Variants in CEP112 observed in about 807,000 individuals in gnomAD.
CEP112 encodes centrosomal protein 112, also known as centrosomal protein of 112 kDa.
A neutral mutation model predicts 153.0 loss-of-function variants in CEP112; 127 were observed. That is an observed-to-expected ratio of 0.83 (90% CI 0.72 to 0.96). The LOEUF (loss-of-function observed/expected upper bound fraction) is 0.96. Ranked by LOEUF, CEP112 falls within the 40% of genes least tolerant of loss-of-function variation. The pLI, the probability that CEP112 is intolerant of heterozygous loss-of-function variation, is 0.00. For synonymous variants in CEP112, 358 were observed against 374.4 expected (o/e 0.96, Z 0.51); for missense variants, 1,089 against 1,101.2 (o/e 0.99, Z 0.16).
At chr17:66,168,442 T>C (rs1225839292) in intron 4 of CEP112, among the ~76,000 whole-genome samples, 2 of 139,608 alleles carry the variant, frequency 1.4e-5, no homozygotes, top group East Asian at 2.0e-4. Flanking sequence ...TGTATATATA[T>C]GTGTGTGTAT....
intron 19 of CEP112, among the ~76,000 whole-genome samples, chr17:65,916,538 TC>T (rs1378858515): frequency 6.0e-4 from 90 of 150,888 alleles, no homozygotes; most frequent in African/African-American, 1.8e-3. Flanking sequence ...GAAAACAGCT[TC>T]TTTTTTTTTT....
rs2060977455 is a variant in CEP112 at position 65,927,692 on chromosome 17, A to AT, written c.1873-4dup. 1 of 1,516,266 alleles carries AT rather than the reference A, an allele frequency of 6.6e-7. No homozygotes were observed. Among genetic ancestry groups the AT allele is most frequent in the African/African-American group, 1.4e-5 (1 of 70,932 alleles). The allele number at this position is 1,516,266 out of a possible 1,614,324, so 93.9% of individuals were successfully genotyped here. A position where few individuals can be genotyped will look rare whatever the true frequency, so the allele number is the denominator to read the frequency against. On this transcript the variant is annotated splice_region_variant and splice_polypyrimidine_tract_variant and intron_variant, in intron 18 of 26. Transcript: ENST00000535342. ...AGATCTGCCTCCACTTTTTCCATCT[A>AT]TAAAATTTAAAAATCAAATATTAAT...
At chr17:65,970,536 C>A (rs367673356) in intron 17 of CEP112, among the ~76,000 whole-genome samples, 3 of 151,742 alleles carry the variant, frequency 2.0e-5, no homozygotes, top group African/African-American at 7.3e-5. Flanking sequence ...ATGTATAACA[C>A]ATGAATATTA....
intron 6 of CEP112, among the ~76,000 whole-genome samples, chr17:66,100,409 G>A (rs1248564136): frequency 7.8e-3 from 916 of 118,088 alleles, no homozygotes; most frequent in Non-Finnish European, 8.5e-3. Flanking sequence ...TCAAAAAACA[G>A]AAAAAAAAAA....
chr17:65,666,567 CA>C (rs1190508206), intron 24 of CEP112, among the ~76,000 whole-genome samples: 1 of 152,022 alleles, frequency 6.6e-6, no homozygotes, highest in Non-Finnish European at 1.5e-5. Flanking sequence ...TGCAAGCCAT[CA>C]AAGTAGGAAT....
Position 65,886,610 on chromosome 17 carries a change from T to C in CEP112, c.2163+15542A>G, listed in dbSNP as rs144785844. On this transcript the variant is annotated intron_variant, in intron 20 of 26. Coordinates refer to ENST00000535342, the MANE Select transcript of CEP112 (RefSeq NM_001199165.4). ...TTGTGGGACTGGCCCAATTCGGAATTACTATATGTTGCCAGCTTTTGTTCT... is the reference window on the plus strand; with the variant it reads ...TTGTGGGACTGGCCCAATTCGGAATCACTATATGTTGCCAGCTTTTGTTCT... 3.1e-3 allele frequency among the ~76,000 whole-genome samples: 472 copies of C among 152,318 alleles called. 3 individuals carry two copies. Among genetic ancestry groups the C allele is most frequent in the Non-Finnish European group, 5.4e-3 (369 of 68,026 alleles).
chr17:65,716,527 G>GA (rs1367638171), intron 23 of CEP112, among the ~76,000 whole-genome samples: 2 of 152,148 alleles, frequency 1.3e-5, no homozygotes, highest in African/African-American at 2.4e-5. Flanking sequence ...CGGGGCAGGG[G>GA]AGGGACTACT....
chr17:66,067,901 G>C (rs1346256702), intron 9 of CEP112, among the ~76,000 whole-genome samples: 1 of 152,006 alleles, frequency 6.6e-6, no homozygotes, highest in East Asian at 1.9e-4. Context: ...CATGTCCCTG[G>C]ATCCGCCCAC....
At chr17:65,858,916 C>G (rs1272796948) in intron 20 of CEP112, among the ~76,000 whole-genome samples, 1 of 152,168 alleles carries the variant, frequency 6.6e-6, no homozygotes, top group Non-Finnish European at 1.5e-5. Context: ...CTCACCCGGA[C>G]TGTCATCAAT....
chr17:66,099,923 TTAA>T (rs566313056), intron 6 of CEP112, among the ~76,000 whole-genome samples: 120 of 152,280 alleles, frequency 7.9e-4, no homozygotes, highest in African/African-American at 2.8e-3. Context: ...ATGTCAATAC[TTAA>T]TAATATTTTT....
At chr17:66,000,732 C>T (rs1006404513) in intron 17 of CEP112, among the ~76,000 whole-genome samples, 1 of 152,128 alleles carries the variant, frequency 6.6e-6, no homozygotes, top group East Asian at 1.9e-4. Context: ...GAGGAAACAG[C>T]ATGTCTGGCT....
intron 21 of CEP112, among the ~76,000 whole-genome samples, chr17:65,794,639 G>A (rs2054795140): frequency 6.6e-6 from 1 of 152,196 alleles, no homozygotes; most frequent in African/African-American, 2.4e-5. Context: ...CATTAAACAT[G>A]TGAACTCCAT....
intron 21 of CEP112, among the ~76,000 whole-genome samples, chr17:65,835,092 A>G (rs1483215249): frequency 2.0e-5 from 3 of 152,092 alleles, no homozygotes; most frequent in African/African-American, 4.8e-5. Context: ...TAACACAGGA[A>G]CAGAAAACCA....
At chr17:65,847,095 C>T (rs377355184) in intron 21 of CEP112, among the ~76,000 whole-genome samples, 68 of 152,224 alleles carry the variant, frequency 4.5e-4, no homozygotes, top group African/African-American at 1.3e-3. Flanking sequence ...GGACAAAAAC[C>T]GAACTCATCG....
intron 24 of CEP112, among the ~76,000 whole-genome samples, chr17:65,685,484 C>T (rs1413443424): frequency 6.6e-6 from 1 of 152,098 alleles, no homozygotes; most frequent in Non-Finnish European, 1.5e-5. Context: ...AGATAGTCCT[C>T]AGGGGCTGTT....
chr17:66,120,404 T>C (rs573133527), intron 6 of CEP112, among the ~76,000 whole-genome samples: 2 of 152,158 alleles, frequency 1.3e-5, no homozygotes, highest in South Asian at 4.1e-4. Flanking sequence ...TTTTACCATG[T>C]TGGCCAGGCT....
intron 17 of CEP112, among the ~76,000 whole-genome samples, chr17:65,987,757 C>T (rs1178514400): frequency 6.6e-6 from 1 of 152,160 alleles, no homozygotes; most frequent in African/African-American, 2.4e-5. Flanking sequence ...AGTAGGAGAA[C>T]CACACTTCCA....
At chr17:66,071,867 A>C (rs2065754665) in intron 8 of CEP112, among the ~76,000 whole-genome samples, 1 of 152,146 alleles carries the variant, frequency 6.6e-6, no homozygotes, top group Non-Finnish European at 1.5e-5. Flanking sequence ...CAACAATCTC[A>C]ATGACACTAG....
At chr17:65,982,998 C>T (rs1273449296) in intron 17 of CEP112, among the ~76,000 whole-genome samples, 1 of 152,092 alleles carries the variant, frequency 6.6e-6, no homozygotes, top group East Asian at 1.9e-4. Context: ...ATTTCTATGA[C>T]ATATCCAGGA....
Sources: gnomAD v4.1 joint callset for allele counts (sites outside exome capture counted in the v4.1 genomes callset) on GRCh38, gnomAD v4.1.1 for gene constraint, MANE v1.5 for transcripts, NCBI Gene and HGNC (gene_info 2026-07-23, HGNC 2026-07-21) for gene names.